Variants in FBXL7 observed in about 807,000 individuals in gnomAD.
FBXL7 encodes the protein F-box and leucine rich repeat protein 7, also known as F-box/LRR-repeat protein 7.
FBXL7 carries 12 observed loss-of-function variants against 38.3 expected under a neutral mutation model. The ratio of observed to expected loss-of-function variants is 0.31; its 90% CI spans 0.20 to 0.51. The LOEUF (loss-of-function observed/expected upper bound fraction) is 0.51, where lower values mean the gene tolerates loss of function less well. Ranked by LOEUF, FBXL7 falls within the 20% of genes least tolerant of loss-of-function variation. The probability of loss-of-function intolerance (pLI) is 0.98; values close to 1 mark genes in which losing one functional copy is unlikely to be tolerated. For missense variants in FBXL7, 567 were observed against 676.4 expected, an observed-to-expected ratio of 0.84 and a Z score of 1.79; for synonymous variants, 297 against 300.9, an observed-to-expected ratio of 0.99 and a Z score of 0.13.
At chr5:15,715,971 G>C (rs926034588) in intron 2 of FBXL7, among the ~76,000 whole-genome samples, 5 of 152,202 alleles carry the variant, frequency 3.3e-5, no homozygotes, top group Non-Finnish European at 5.9e-5. Flanking sequence ...TGTCCTAGAG[G>C]TGTAAATGGT....
intron 2 of FBXL7, among the ~76,000 whole-genome samples, chr5:15,676,760 T>G (rs13152944): frequency 6.6e-6 from 1 of 152,152 alleles, no homozygotes; most frequent in Admixed American, 6.5e-5. Context: ...GAAAACACTT[T>G]CTTGAGCATT....
chr5:15,660,083 A>T (rs1449689973), intron 2 of FBXL7, among the ~76,000 whole-genome samples: 1 of 152,082 alleles, frequency 6.6e-6, no homozygotes, highest in Non-Finnish European at 1.5e-5. Context: ...TATTCACTTT[A>T]TTTTTCCTGC....
chr5:15,697,518 A>T (rs945951123), intron 2 of FBXL7, among the ~76,000 whole-genome samples: 5 of 152,042 alleles, frequency 3.3e-5, no homozygotes, highest in Admixed American at 6.6e-5. Flanking sequence ...GATTAATATG[A>T]CCATAGTGTG....
In FBXL7 at chr5:15,732,450, C is replaced by CT. The variant is rs199640380; in HGVS notation, c.127+116386dup. On this transcript the variant is annotated intron_variant, in intron 2 of 3. Coordinates refer to ENST00000504595, the MANE Select transcript of FBXL7 (RefSeq NM_012304.5). Reference sequence around the variant, plus strand: ...TAATTAAAAGATGGCTTTCAGTGTTCTTTTTTTTCCCTCTCTTTTATTTAT... The same window carrying CT: ...TAATTAAAAGATGGCTTTCAGTGTTCTTTTTTTTTCCCTCTCTTTTATTTAT... Among the ~76,000 whole-genome samples the CT allele has an allele frequency of 6.4e-3, 980 of 152,032 alleles. 11 individuals are homozygous for CT. The highest frequency in any genetic ancestry group is 0.022 in the African/African-American group (923 of 41,460).
intron 1 of FBXL7, among the ~76,000 whole-genome samples, chr5:15,515,237 T>C (rs1736902462): frequency 6.6e-6 from 1 of 152,234 alleles, no homozygotes; most frequent in Non-Finnish European, 1.5e-5. Flanking sequence ...ACTGGTTTTC[T>C]GTTTGGGGAC....
Position 15,591,952 on chromosome 5 carries a change from C to T in FBXL7, c.38-24031C>T, listed in dbSNP as rs575748521. On this transcript the variant is annotated intron_variant, in intron 1 of 3. Coordinates refer to ENST00000504595, the MANE Select transcript of FBXL7 (RefSeq NM_012304.5). ...GTCTTGATCTCTTGACCTTGTGATC[C>T]GCCCGCCTTGGCCTCCTGAAGTTCT... Among the ~76,000 whole-genome samples the T allele has an allele frequency of 9.9e-5, 15 of 152,200 alleles. No homozygotes were observed. The East Asian group carries it at 1.7e-3, about 18-fold the overall frequency.
At chr5:15,830,924 T>C (rs1738441089) in intron 2 of FBXL7, among the ~76,000 whole-genome samples, 1 of 152,114 alleles carries the variant, frequency 6.6e-6, no homozygotes, top group Admixed American at 6.5e-5. Context: ...TTGTTCTTTT[T>C]ACCCTTAGAG....
Position 15,789,511 on chromosome 5 carries a change from C to T in FBXL7, c.128-138379C>T, listed in dbSNP as rs544929193. Among the ~76,000 whole-genome samples the T allele has an allele frequency of 1.4e-4, 21 of 152,300 alleles. No homozygotes were observed. In the South Asian group the frequency reaches 3.3e-3, roughly 24 times the overall value. The stretch of plus-strand genomic sequence containing the variant: ...AAGGCAAAGCACAGACACAGGGCAG[C>T]GTTCAAGGCAGTCACCCACGACCAC... On this transcript the variant is annotated intron_variant, in intron 2 of 3. Coordinates refer to ENST00000504595, the MANE Select transcript of FBXL7 (RefSeq NM_012304.5).
chr5:15,832,288 G>A (rs548677414), intron 2 of FBXL7, among the ~76,000 whole-genome samples: 3 of 152,264 alleles, frequency 2.0e-5, no homozygotes, highest in Admixed American at 1.3e-4. Context: ...TTTGCGAATA[G>A]CAGCCTTGTA....
chr5:15,928,495 G>A lies in FBXL7; in HGVS notation c.733G>A (p.Val245Met). The change falls in exon 3 of 4, where the codon GTG becomes ATG. Residue 245 changes from valine to methionine, a missense_variant. Physicochemically the swap from Val to Met is conservative, Grantham distance 21. Transcript: ENST00000504595. The surrounding 1 kb of genome is among the most constrained non-coding windows in gnomAD (Gnocchi z 4.0). ...CTGCCCTAATCTGGAGCACCTGGATGTGTCAGGTAAATGGACACTGACCTA... is the reference window on the plus strand; with the variant it reads ...CTGCCCTAATCTGGAGCACCTGGATATGTCAGGTAAATGGACACTGACCTA... ...SLCPNLEHLD[V>M]SGCSKVTCIS... 1.2e-6 allele frequency: 2 copies of A among 1,609,666 alleles called. No individual in the cohort carries two copies. The highest frequency in any genetic ancestry group is 2.2e-5 in the East Asian group (1 of 44,794).
At chr5:15,751,081 T>C (rs968468549) in intron 2 of FBXL7, among the ~76,000 whole-genome samples, 1 of 152,226 alleles carries the variant, frequency 6.6e-6, no homozygotes, top group African/African-American at 2.4e-5. Context: ...CACATTTCTG[T>C]TTCCGTGTTG....
chr5:15,805,920 A>G (rs1383587844), intron 2 of FBXL7, among the ~76,000 whole-genome samples: 2 of 152,204 alleles, frequency 1.3e-5, no homozygotes, highest in Non-Finnish European at 2.9e-5. Flanking sequence ...TTCTTTTCTC[A>G]GGCTATGAAT....
intron 2 of FBXL7, among the ~76,000 whole-genome samples, chr5:15,697,020 C>G (rs1743359872): frequency 6.6e-6 from 1 of 152,128 alleles, no homozygotes; most frequent in African/African-American, 2.4e-5. Context: ...AGTAGGTGAT[C>G]AATAAATGTT....
At chr5:15,772,631 TTC>T (rs1736756708) in intron 2 of FBXL7, among the ~76,000 whole-genome samples, 1 of 152,156 alleles carries the variant, frequency 6.6e-6, no homozygotes, top group Non-Finnish European at 1.5e-5. Flanking sequence ...TAATACCCTC[TTC>T]ATGGTGTGAT....
intron 2 of FBXL7, among the ~76,000 whole-genome samples, chr5:15,689,458 G>A (rs1743117921): frequency 6.6e-6 from 1 of 152,100 alleles, no homozygotes; most frequent in East Asian, 1.9e-4. Context: ...GGGATGACAT[G>A]TAAAAATAGC....
At chr5:15,765,447 G>A (rs1168591549) in intron 2 of FBXL7, among the ~76,000 whole-genome samples, 1 of 152,124 alleles carries the variant, frequency 6.6e-6, no homozygotes, top group Non-Finnish European at 1.5e-5. Flanking sequence ...TGCCCAAGAT[G>A]TGCATCACAA....
In FBXL7 at chr5:15,797,816, G is replaced by A. The variant is rs189040248; in HGVS notation, c.128-130074G>A. Among the ~76,000 whole-genome samples, 545 of 152,228 alleles carry A rather than the reference G, an allele frequency of 3.6e-3. 2 individuals are homozygous for A. The highest frequency in any genetic ancestry group is 0.012 in the African/African-American group (510 of 41,566). On this transcript the variant is annotated intron_variant, in intron 2 of 3. Transcript: ENST00000504595. ...ACAATTTAGACGAGAAATTTGTGACGTCTGTGTTTTTAAAAATATACGTTT... is the reference window on the plus strand; with the variant it reads ...ACAATTTAGACGAGAAATTTGTGACATCTGTGTTTTTAAAAATATACGTTT...
At chr5:15,521,776 G>A (rs1039812491) in intron 1 of FBXL7, among the ~76,000 whole-genome samples, 22 of 152,202 alleles carry the variant, frequency 1.4e-4, no homozygotes, top group African/African-American at 1.4e-4. Context: ...TTGAAAGAAT[G>A]TGCCTCTTCT....
rs375889025 is a variant in FBXL7, at chr5:15,500,682, C to A, written c.6C>A (p.Gly2=). Residue 2 remains glycine (G), a synonymous_variant, in exon 1 of 4, where the codon GGC becomes GGA. Coordinates refer to ENST00000504595, the MANE Select transcript of FBXL7 (RefSeq NM_012304.5). ...GCGGGCATGACGGCTACAGGATGGGCGCGAACAATGGCAAACAGTACGGCA... is the reference window on the plus strand; with the variant it reads ...GCGGGCATGACGGCTACAGGATGGGAGCGAACAATGGCAAACAGTACGGCA... M[G]ANNGKQYGSE... 14 of 1,611,878 alleles carry A rather than the reference C, an allele frequency of 8.7e-6. No homozygotes were observed. Among genetic ancestry groups the A allele is most frequent in the Non-Finnish European group, 1.2e-5 (14 of 1,178,878 alleles).
Sources: gnomAD v4.1 joint callset for allele counts (sites outside exome capture counted in the v4.1 genomes callset) on GRCh38, gnomAD v4.1.1 for gene constraint, Gnocchi (gnomAD v3.1) non-coding constraint, MANE v1.5 for transcripts, NCBI Gene and HGNC (gene_info 2026-07-23, HGNC 2026-07-21) for gene names.